PPP2R2B: variants seen among roughly 807,000 people sequenced by gnomAD.
PPP2R2B encodes protein phosphatase 2 regulatory subunit Bbeta.
In PPP2R2B, 5 loss-of-function variants were observed where a neutral mutation model predicts 46.0. That is an observed-to-expected ratio of 0.11 (90% CI 0.06 to 0.23). The LOEUF (loss-of-function observed/expected upper bound fraction) is 0.23. PPP2R2B is among the 10% of genes least tolerant of loss of function. PPP2R2B has a pLI of 1.00. For missense variants in PPP2R2B, 367 were observed against 575.0 expected (o/e 0.64, Z 3.70); for synonymous variants, 215 against 206.7 (o/e 1.04, Z -0.34).
In PPP2R2B at chr5:146,727,009, G is replaced by C. The variant is rs113738282; in HGVS notation, c.71-25867C>G. 5.1e-3 allele frequency among the ~76,000 whole-genome samples: 778 copies of C among 152,232 alleles called. 2 individuals carry two copies. The highest frequency in any genetic ancestry group is 0.018 in the African/African-American group (740 of 41,542). On this transcript the variant is annotated intron_variant, in intron 2 of 9. Coordinates refer to ENST00000394411, the MANE Select transcript of PPP2R2B (RefSeq NM_181675.4). ...ACAACTGGAGGATTACTGAATGCTA[G>C]GTTTCATCCTATAGAAGAGAGACAC...
rs376881377 is a variant in PPP2R2B at position 146,616,511 on chromosome 5, G to A, written c.791-16051C>T. On this transcript the variant is annotated intron_variant, in intron 7 of 9. Coordinates refer to ENST00000394411, the MANE Select transcript of PPP2R2B (RefSeq NM_181675.4). Reference sequence around the variant, plus strand: ...GATTAATTACCAGAATATAGAAGGAGCTCAAACAATTCTATAGGAAAAAAA... The same window carrying A: ...GATTAATTACCAGAATATAGAAGGAACTCAAACAATTCTATAGGAAAAAAA... Among the ~76,000 whole-genome samples the A allele has an allele frequency of 1.1e-4, 17 of 151,938 alleles. No homozygotes were observed. In the East Asian group the frequency reaches 1.9e-3, roughly 17 times the overall value.
intron 5 of PPP2R2B, among the ~76,000 whole-genome samples, chr5:146,684,280 A>T (rs1222854616): frequency 6.6e-6 from 1 of 152,244 alleles, no homozygotes; most frequent in Non-Finnish European, 1.5e-5. Flanking sequence ...GGCCTCAGTT[A>T]TCAAAGCATA....
At chr5:146,761,887 C>A (rs1754187318) in intron 2 of PPP2R2B, among the ~76,000 whole-genome samples, 1 of 152,072 alleles carries the variant, frequency 6.6e-6, no homozygotes, top group Non-Finnish European at 1.5e-5. Flanking sequence ...ATGGGACTCA[C>A]TAATCTAGGA....
At position 147,033,246 on chromosome 5, in the gene PPP2R2B, C is replaced by T. The variant is rs567869775; in HGVS notation, c.79+22419G>A. Among the ~76,000 whole-genome samples the T allele has an allele frequency of 4.6e-5, 7 of 152,294 alleles. No individual in the cohort carries two copies. The East Asian group carries it at 7.7e-4, about 17-fold the overall frequency. ...TCTATTTTCAATTTCTACTTTTTCT[C>T]TTAATAACCACCCATGTGCATGGCT... On this transcript the variant is annotated intron_variant, in intron 1 of 8. Coordinates refer to the PPP2R2B transcript ENST00000336640.
intron 2 of PPP2R2B, among the ~76,000 whole-genome samples, chr5:146,819,477 A>C (rs1336724726): frequency 1.3e-5 from 2 of 152,202 alleles, no homozygotes; most frequent in African/African-American, 4.8e-5. Context: ...CTCTCTTTGA[A>C]TGTGGAGATG....
intron 5 of PPP2R2B, among the ~76,000 whole-genome samples, chr5:146,686,552 A>G (rs1778512995): frequency 6.6e-6 from 1 of 152,206 alleles, no homozygotes; most frequent in African/African-American, 2.4e-5. Flanking sequence ...CACTCAATAG[A>G]TGGTTGCTAT....
intron 6 of PPP2R2B, among the ~76,000 whole-genome samples, chr5:146,643,630 T>C (rs1775375826): frequency 6.6e-6 from 1 of 152,084 alleles, no homozygotes; most frequent in South Asian, 2.1e-4. Flanking sequence ...AGACTACAAA[T>C]TGGGTTCAGT....
intron 2 of PPP2R2B, among the ~76,000 whole-genome samples, chr5:146,790,077 G>C (rs762854712): frequency 2.3e-4 from 35 of 152,194 alleles, no homozygotes; most frequent in Non-Finnish European, 1.9e-4. Flanking sequence ...AGCCCTCCAG[G>C]GGGCAGGAAA....
intron 1 of PPP2R2B, among the ~76,000 whole-genome samples, chr5:147,032,509 CT>C (rs756604199): frequency 3.9e-5 from 6 of 151,970 alleles, no homozygotes; most frequent in Non-Finnish European, 7.4e-5. Context: ...TCTCACCCCC[CT>C]CTCCCTCTTT....
At chr5:147,044,687 A>G (rs1756472396) in intron 1 of PPP2R2B, among the ~76,000 whole-genome samples, 1 of 152,156 alleles carries the variant, frequency 6.6e-6, no homozygotes, top group Non-Finnish European at 1.5e-5. Flanking sequence ...AGGATTATTA[A>G]TTAAGGTAGA....
At chr5:146,971,053 A>G (rs990295109) in intron 1 of PPP2R2B, among the ~76,000 whole-genome samples, 1 of 152,214 alleles carries the variant, frequency 6.6e-6, no homozygotes, top group African/African-American at 2.4e-5. Context: ...CCAAAGCTGC[A>G]CATTTTAAAA....
chr5:146,888,900 A>T (rs1351333508), intron 1 of PPP2R2B, among the ~76,000 whole-genome samples: 1 of 152,026 alleles, frequency 6.6e-6, no homozygotes, highest in Non-Finnish European at 1.5e-5. Context: ...TTCCTTGACT[A>T]CTCTGTATAA....
chr5:146,772,413 T>G (rs868771928), intron 2 of PPP2R2B, among the ~76,000 whole-genome samples: 1 of 113,068 alleles, frequency 8.8e-6, no homozygotes, highest in Non-Finnish European at 1.7e-5. Context: ...TATATATATA[T>G]ATATATATAT....
chr5:146,792,639 A>G (rs761364599), intron 2 of PPP2R2B, among the ~76,000 whole-genome samples: 2 of 152,240 alleles, frequency 1.3e-5, no homozygotes, highest in African/African-American at 2.4e-5. Flanking sequence ...TACTCAAGAA[A>G]GGCTTCATTG....
chr5:146,594,930 C>T (rs1259358547), intron 8 of PPP2R2B, among the ~76,000 whole-genome samples: 1 of 152,208 alleles, frequency 6.6e-6, no homozygotes, highest in African/African-American at 2.4e-5. Context: ...CTTTCTCTTC[C>T]TTCGACTCCA....
intron 1 of PPP2R2B, among the ~76,000 whole-genome samples, chr5:147,028,968 C>G (rs1266432604): frequency 6.6e-6 from 1 of 151,966 alleles, no homozygotes; most frequent in Non-Finnish European, 1.5e-5. Flanking sequence ...TTTTGAAATG[C>G]CTGTCAAGTC....
At chr5:146,685,650 G>A (rs780504388) in intron 5 of PPP2R2B, among the ~76,000 whole-genome samples, 9 of 152,138 alleles carry the variant, frequency 5.9e-5, no homozygotes, top group African/African-American at 2.2e-4. Flanking sequence ...TGTCTTAGAC[G>A]GTACCTATGG....
intron 1 of PPP2R2B, among the ~76,000 whole-genome samples, chr5:147,048,583 C>A (rs528843817): frequency 2.0e-5 from 3 of 152,184 alleles, no homozygotes; most frequent in African/African-American, 7.2e-5. Flanking sequence ...GAATATGATG[C>A]CCCATTCATT....
At chr5:146,624,607 A>G (rs1264382262) in intron 7 of PPP2R2B, among the ~76,000 whole-genome samples, 1 of 152,210 alleles carries the variant, frequency 6.6e-6, no homozygotes, top group Non-Finnish European at 1.5e-5. Context: ...TTAAATAGCC[A>G]CAGAGTGACA....
Sources: gnomAD v4.1 joint callset for allele counts (sites outside exome capture counted in the v4.1 genomes callset) on GRCh38, gnomAD v4.1.1 for gene constraint, MANE v1.5 for transcripts, NCBI Gene and HGNC (gene_info 2026-07-23, HGNC 2026-07-21) for gene names.